Variants in FGL1 observed in about 807,000 individuals in gnomAD.
The protein encoded by FGL1 is fibrinogen like 1.
Under a neutral mutation model 43.7 loss-of-function variants are expected in FGL1, and 59 were observed. That is an observed-to-expected ratio of 1.35 (90% confidence interval 1.10 to 1.68). The LOEUF (loss-of-function observed/expected upper bound fraction) is 1.68. FGL1 is among the 40% of genes most tolerant of loss of function. The pLI is 0.00. For synonymous variants in FGL1, 192 were observed against 126.5 expected (o/e 1.52, Z -3.48); for missense variants, 596 against 373.0 (o/e 1.60, Z -4.92).
At chr8:17,870,819 T>C (rs976151519) in intron 5 of FGL1, among the ~76,000 whole-genome samples, 2 of 151,864 alleles carry the variant, frequency 1.3e-5, no homozygotes, top group Admixed American at 6.6e-5. Context: ...GGCAGGAGAA[T>C]TGCTTGAATC....
chr8:17,889,862 C>A (rs1197559798), intron 1 of FGL1, among the ~76,000 whole-genome samples: 1 of 152,156 alleles, frequency 6.6e-6, no homozygotes, highest in African/African-American at 2.4e-5. Context: ...ATAGGAAGAA[C>A]ACACTTGAAA....
At chr8:17,886,069 A>G (rs2053623761) in intron 1 of FGL1, among the ~76,000 whole-genome samples, 1 of 152,146 alleles carries the variant, frequency 6.6e-6, no homozygotes, top group South Asian at 2.1e-4. Context: ...TTTGAAAGCA[A>G]AGGTCACACC....
intron 7 of FGL1, 38 bp from the exon 8 acceptor site, chr8:17,864,789 G>A: frequency 7.1e-7 from 1 of 1,412,048 alleles, no homozygotes. Context: ...ACAACAATCA[G>A]ACTGGAAAAA....
In FGL1 at chr8:17,882,163, G is replaced by A. The variant is rs149986161; in HGVS notation, c.80C>T (p.Ala27Val). Reference sequence around the variant, plus strand: ...GGCTCTGAGCCGCATCTGCTCCTGGGCACAGTCCTCGAGCGCCTGCAAAAC... The same window carrying A: ...GGCTCTGAGCCGCATCTGCTCCTGGACACAGTCCTCGAGCGCCTGCAAAAC... ...GREISALEDC[A>V]QEQMRLRAQV... is the part of the protein sequence containing the mutation. Residue 27 changes from alanine to valine, a missense_variant, in exon 3 of 8, where the codon GCC becomes GTC. Ala to Val is a moderately conservative substitution (Grantham distance 64, BLOSUM62 0). Transcript: ENST00000427924. The A allele has an allele frequency of 3.7e-6, 6 of 1,613,478 alleles. No homozygotes were observed. Among genetic ancestry groups the A allele is most frequent in the Non-Finnish European group, 5.1e-6 (6 of 1,179,926 alleles).
At chr8:17,868,510 A>C in intron 7 of FGL1, 38 bp downstream of exon 7, 5 of 1,517,132 alleles carry the variant, frequency 3.3e-6, no homozygotes, top group Non-Finnish European at 4.5e-6. Flanking sequence ...GTGAGATATC[A>C]TCAACTCCAT....
chr8:17,872,046 G>T (rs1168338560), intron 5 of FGL1, among the ~76,000 whole-genome samples: 3 of 152,056 alleles, frequency 2.0e-5, no homozygotes, highest in Admixed American at 6.6e-5. Flanking sequence ...TATATATCTG[G>T]CATAAAACAC....
chr8:17,892,228 C>T (rs1169754081), intron 1 of FGL1, among the ~76,000 whole-genome samples: 1 of 151,834 alleles, frequency 6.6e-6, no homozygotes, highest in East Asian at 1.9e-4. Context: ...ATTTCTTAAA[C>T]ATAAACAATT....
chr8:17,883,715 C>T (rs1021469874), intron 2 of FGL1, among the ~76,000 whole-genome samples: 1 of 142,508 alleles, frequency 7.0e-6, no homozygotes. Context: ...ATATGTAGTA[C>T]ATCTCCCCTC....
chr8:17,890,400 T>G (rs3913558), intron 1 of FGL1, among the ~76,000 whole-genome samples: 78,253 of 152,080 alleles, frequency 0.51, 22,989 homozygotes, highest in Non-Finnish European at 0.68. Context: ...TTGCCTGTTC[T>G]GGCTACATTG....
At chr8:17,882,712 TTATA>T (rs1491287665) in intron 2 of FGL1, 1 of 139,748 alleles carries the variant, frequency 7.2e-6, no homozygotes, top group Non-Finnish European at 1.5e-5. Context: ...ATATTATATA[TTATA>T]TATATTATAT....
At chr8:17,878,763 T>C (rs955308742) in intron 3 of FGL1, among the ~76,000 whole-genome samples, 7 of 152,112 alleles carry the variant, frequency 4.6e-5, no homozygotes, top group African/African-American at 1.7e-4. Context: ...TTAGTAATAA[T>C]AAAGTAACTT....
At chr8:17,885,388 AG>A in intron 2 of FGL1, 103 bp downstream of exon 2, 1 of 938,346 alleles carries the variant, frequency 1.1e-6, no homozygotes, top group Non-Finnish European at 1.6e-6. Context: ...CACATAGTTA[AG>A]TTTTTTCAAT....
intron 5 of FGL1, among the ~76,000 whole-genome samples, chr8:17,870,810 G>A (rs948570089): frequency 2.0e-5 from 3 of 152,044 alleles, no homozygotes; most frequent in African/African-American, 4.8e-5. Flanking sequence ...GGAGGCTGAG[G>A]CAGGAGAATT....
chr8:17,874,155 C>A, intron 4 of FGL1, 39 bp from the exon 5 acceptor site: 2 of 1,543,528 alleles, frequency 1.3e-6, no homozygotes, highest in South Asian at 1.1e-5. Context: ...GAGCAAACTC[C>A]ATTTGTGGTA....
At position 17,868,566 on chromosome 8, in the gene FGL1, G is replaced by C. The variant is rs1231118991; in HGVS notation, c.761C>G (p.Ser254Cys). 1.2e-6 allele frequency: 2 copies of C among 1,612,252 alleles called. No homozygotes were observed. Among genetic ancestry groups the C allele is most frequent in the African/African-American group, 1.3e-5 (1 of 74,874 alleles). ...YEGNCAEEDQ[S>C]GWWFNRCHSA... ...ATCAAACCTGTTAAACCACCAGCCA[G>C]ACTGATCTTCTTCTGCGCAGTTCCC... The change falls in exon 7 of 8, where the codon TCT becomes TGT. Residue 254 changes from serine to cysteine, a missense_variant. By Grantham distance (112) the Ser-to-Cys change is moderately radical (BLOSUM62 -1). Coordinates refer to ENST00000427924, the MANE Select transcript of FGL1 (RefSeq NM_004467.4).
rs1295536291 is a variant in FGL1, at chr8:17,874,071, T to C, written c.450A>G (p.Lys150=). ...TATTGCCCAGCCAATATTCACCATG[T>C]TTTTGGACAAAATTTCCAAAGCCAT... ...YENGFGNFVQ[K]HGEYWLGNKN... Residue 150 remains lysine (K), a synonymous_variant, in exon 5 of 8, where the codon AAA becomes AAG. Coordinates refer to ENST00000427924, the MANE Select transcript of FGL1 (RefSeq NM_004467.4). 3.7e-6 allele frequency: 6 copies of C among 1,611,838 alleles called. No individual in the cohort carries two copies. The highest frequency in any genetic ancestry group is 5.1e-6 in the Non-Finnish European group (6 of 1,179,402).
chr8:17,869,647 C>A (rs191200981), intron 5 of FGL1, among the ~76,000 whole-genome samples: 1 of 152,122 alleles, frequency 6.6e-6, no homozygotes. Flanking sequence ...GAGTGGATGT[C>A]ATTGGAAGAG....
intron 3 of FGL1, among the ~76,000 whole-genome samples, chr8:17,877,412 G>C (rs1585136998): frequency 6.6e-6 from 1 of 152,180 alleles, no homozygotes. Context: ...AAAGTGACAT[G>C]ACAGCCTGCC....
At chr8:17,889,670 C>A (rs1476847146) in intron 1 of FGL1, among the ~76,000 whole-genome samples, 1 of 152,186 alleles carries the variant, frequency 6.6e-6, no homozygotes, top group Non-Finnish European at 1.5e-5. Flanking sequence ...TCTCCAGGAC[C>A]ATTCAGCCTC....
Sources: allele counts gnomAD v4.1 joint callset (sites outside exome capture counted in the v4.1 genomes callset), GRCh38; gene constraint gnomAD v4.1.1; transcripts MANE v1.5; gene names NCBI Gene and HGNC (gene_info 2026-07-23, HGNC 2026-07-21).